The following PECR variants were observed in gnomAD, a reference collection of about 807,000 sequenced individuals.
PECR encodes the protein peroxisomal trans-2-enoyl-CoA reductase.
Under a neutral mutation model 35.3 loss-of-function variants are expected in PECR, and 30 were observed. That is an observed-to-expected ratio of 0.85 (90% CI 0.64 to 1.15). The LOEUF is 1.15. Among genes scored for constraint, PECR ranks in the 50% most tolerant of loss-of-function variants. The probability of loss-of-function intolerance (pLI) is 0.00; values close to 1 mark genes in which losing one functional copy is unlikely to be tolerated. For synonymous variants in PECR, 148 were observed against 138.9 expected, an observed-to-expected ratio of 1.07 and a Z score of -0.46; for missense variants, 392 against 370.8, an observed-to-expected ratio of 1.06 and a Z score of -0.47.
At chr2:216,069,501 C>G (rs933748542) in intron 1 of PECR, among the ~76,000 whole-genome samples, 2 of 152,098 alleles carry the variant, frequency 1.3e-5, no homozygotes, top group Admixed American at 1.3e-4. Flanking sequence ...AAGGGGAATG[C>G]GTGACACTGC....
chr2:216,063,921 C>T (rs1695411775), intron 3 of PECR: 1 of 151,960 alleles, frequency 6.6e-6, no homozygotes, highest in Admixed American at 6.6e-5. Flanking sequence ...GACGGGGTTT[C>T]ACCGTGTTGC....
chr2:216,045,556 T>C (rs1559208917), intron 6 of PECR, among the ~76,000 whole-genome samples: 1 of 152,264 alleles, frequency 6.6e-6, no homozygotes. Flanking sequence ...CTTTTTACTT[T>C]ATGTGGCTCC....
At chr2:216,056,821 T>C (rs72952629) in intron 4 of PECR, among the ~76,000 whole-genome samples, 3,741 of 151,608 alleles carry the variant, frequency 0.025, 69 homozygotes, top group South Asian at 0.039. Flanking sequence ...TATAGACACA[T>C]ATACACATAT....
At chr2:216,054,556 G>A (rs1462801965) in intron 4 of PECR, among the ~76,000 whole-genome samples, 7 of 150,990 alleles carry the variant, frequency 4.6e-5, no homozygotes, top group Admixed American at 2.0e-4. Flanking sequence ...TGCTGGTCTC[G>A]AACTCCTGAC....
At chr2:216,032,142 C>T (rs933216849) in intron 7 of PECR, among the ~76,000 whole-genome samples, 3 of 152,130 alleles carry the variant, frequency 2.0e-5, no homozygotes, top group African/African-American at 4.8e-5. Context: ...GACTCTTTTT[C>T]TTCAAATCCT....
intron 4 of PECR, among the ~76,000 whole-genome samples, chr2:216,053,690 G>C (rs908289764): frequency 6.6e-6 from 1 of 152,030 alleles, no homozygotes; most frequent in Admixed American, 6.6e-5. Context: ...GAGCATTCTG[G>C]ATTTTGAGTT....
chr2:216,069,573 G>A (rs372494015), intron 1 of PECR, among the ~76,000 whole-genome samples: 1 of 152,124 alleles, frequency 6.6e-6, no homozygotes, highest in Non-Finnish European at 1.5e-5. Flanking sequence ...AACATCATGA[G>A]GAAAGTGCCT....
intron 1 of PECR, among the ~76,000 whole-genome samples, chr2:216,073,760 C>T (rs191311916): frequency 4.1e-4 from 62 of 152,208 alleles, no homozygotes; most frequent in Non-Finnish European, 6.8e-4. Flanking sequence ...AGCATAGTAA[C>T]CTCCCGTACA....
intron 1 of PECR, among the ~76,000 whole-genome samples, chr2:216,078,587 CAAAA>C (rs35963126): frequency 1.2e-5 from 1 of 85,496 alleles, no homozygotes; most frequent in Non-Finnish European, 2.4e-5. Context: ...AACTCCATCT[CAAAA>C]AAAAAAAAAA....
At chr2:216,070,242 A>G (rs1695561780) in intron 1 of PECR, among the ~76,000 whole-genome samples, 1 of 152,242 alleles carries the variant, frequency 6.6e-6, no homozygotes, top group Non-Finnish European at 1.5e-5. Context: ...ATATAAATAT[A>G]TTGTGGAATG....
chr2:216,069,443 T>C (rs762616569), intron 1 of PECR, among the ~76,000 whole-genome samples: 1 of 152,066 alleles, frequency 6.6e-6, no homozygotes, highest in African/African-American at 2.4e-5. Flanking sequence ...GAAATGAAAA[T>C]TTGTAACACT....
intron 6 of PECR, among the ~76,000 whole-genome samples, chr2:216,048,917 C>G (rs1490761741): frequency 6.7e-6 from 1 of 150,320 alleles, no homozygotes; most frequent in African/African-American, 2.5e-5. Context: ...TCAACCTTAA[C>G]CGAAATCTCA....
intron 7 of PECR, among the ~76,000 whole-genome samples, chr2:216,043,100 TGC>T (rs376054167): frequency 0.014 from 1,820 of 132,804 alleles, 53 homozygotes; most frequent in Non-Finnish European, 0.022. Context: ...TATATATGTA[TGC>T]GTATATATAT....
intron 1 of PECR, among the ~76,000 whole-genome samples, chr2:216,077,438 C>T (rs1456903464): frequency 6.6e-6 from 1 of 151,826 alleles, no homozygotes; most frequent in Non-Finnish European, 1.5e-5. Flanking sequence ...ACCCGGGAGG[C>T]GGAGCTTGCA....
At chr2:216,074,850 A>G (rs1695664545) in intron 1 of PECR, among the ~76,000 whole-genome samples, 1 of 152,234 alleles carries the variant, frequency 6.6e-6, no homozygotes, top group South Asian at 2.1e-4. Context: ...TACAGGGAAA[A>G]ACAATGCAAT....
rs373518252 is a variant in PECR at position 216,053,011 on chromosome 2, G to A, written c.507-1466C>T. Among the ~76,000 whole-genome samples, 412 of 151,676 alleles carry A rather than the reference G, an allele frequency of 2.7e-3. 1 individual carries two copies. Among genetic ancestry groups the A allele is most frequent in the Non-Finnish European group, 4.1e-3 (281 of 67,932 alleles). On this transcript the variant is annotated intron_variant, in intron 4 of 7. Coordinates refer to ENST00000265322, the MANE Select transcript of PECR (RefSeq NM_018441.6). Reference sequence around the variant, plus strand: ...TGGGTTTATAGGAGTGCGCCATCACGCCTGGCTAATTTTTGTATTTTTAGT... The same window carrying A: ...TGGGTTTATAGGAGTGCGCCATCACACCTGGCTAATTTTTGTATTTTTAGT...
intron 6 of PECR, among the ~76,000 whole-genome samples, chr2:216,045,333 C>T (rs1441114074): frequency 1.3e-5 from 2 of 152,206 alleles, no homozygotes; most frequent in Non-Finnish European, 2.9e-5. Context: ...TTCAGTATGA[C>T]TGGTCCAAAT....
In PECR at chr2:216,066,505, G is replaced by A. The variant is rs147006912; in HGVS notation, c.138C>T (p.Val46=). Residue 46 remains valine (V), a synonymous_variant, in exon 2 of 8, where the codon GTC becomes GTT. Coordinates refer to ENST00000265322, the MANE Select transcript of PECR (RefSeq NM_018441.6). The stretch of plus-strand genomic sequence containing the variant: ...ATCTCTCCAACTTACGGGATGCAAT[G>A]ACCACATTACTCCCTGAGGAGAAAC... ...KELLELGSNV[V]IASRKLERLK... 18 of 1,613,912 alleles carry A rather than the reference G, an allele frequency of 1.1e-5. No individual in the cohort carries two copies. The highest frequency in any genetic ancestry group is 1.7e-5 in the Admixed American group (1 of 60,016).
intron 4 of PECR, among the ~76,000 whole-genome samples, chr2:216,058,124 C>T (rs1695263809): frequency 6.6e-6 from 1 of 152,140 alleles, no homozygotes; most frequent in Non-Finnish European, 1.5e-5. Flanking sequence ...AGGATCCCCT[C>T]CAGGGCTTGC....
Sources: gnomAD v4.1 joint callset for allele counts (sites outside exome capture counted in the v4.1 genomes callset) on GRCh38, gnomAD v4.1.1 for gene constraint, MANE v1.5 for transcripts, NCBI Gene and HGNC (gene_info 2026-07-23, HGNC 2026-07-21) for gene names.